The following SRRM1 variants were observed in gnomAD, a reference collection of about 807,000 sequenced individuals.
SRRM1 encodes serine and arginine repetitive matrix 1.
SRRM1 carries 19 observed loss-of-function variants against 110.2 expected under a neutral mutation model. The ratio of observed to expected loss-of-function variants is 0.17; its 90% CI spans 0.12 to 0.25. SRRM1 has a LOEUF of 0.25. Among genes scored for constraint, SRRM1 ranks in the 10% least tolerant of loss-of-function variants. The pLI is 1.00. For synonymous variants in SRRM1, 443 were observed against 414.9 expected (o/e 1.07, Z -0.82); for missense variants, 918 against 1,145.8 (o/e 0.80, Z 2.87).
intron 1 of SRRM1, among the ~76,000 whole-genome samples, chr1:24,644,208 TC>T (rs1242494944): frequency 6.6e-6 from 1 of 152,176 alleles, no homozygotes; most frequent in Non-Finnish European, 1.5e-5. Context: ...TAGTTGGTTC[TC>T]GGGGCCCACA....
chr1:24,653,678 G>C (rs1052999447), intron 8 of SRRM1, among the ~76,000 whole-genome samples: 1 of 152,016 alleles, frequency 6.6e-6, no homozygotes, highest in African/African-American at 2.4e-5. Context: ...TAAAATATTT[G>C]AATCTTGGAT....
intron 5 of SRRM1, among the ~76,000 whole-genome samples, chr1:24,650,412 C>A (rs1659960935): frequency 6.6e-6 from 1 of 152,266 alleles, no homozygotes; most frequent in South Asian, 2.1e-4. Context: ...CTCACTTTTT[C>A]TTTCCATTTC....
intron 13 of SRRM1, 69 bp downstream of exon 13, chr1:24,666,994 T>C (rs1316396852): frequency 3.3e-6 from 3 of 915,404 alleles, no homozygotes; most frequent in Admixed American, 2.5e-5. Flanking sequence ...ATCAGATGAG[T>C]AATGGTGCTC....
At chr1:24,648,750 C>T in intron 3 of SRRM1, 109 bp from the exon 4 acceptor site, 1 of 927,026 alleles carries the variant, frequency 1.1e-6, no homozygotes, top group Admixed American at 2.5e-5. Context: ...GTCTAAGCCC[C>T]TATGGTAGAC....
intron 9 of SRRM1, among the ~76,000 whole-genome samples, chr1:24,658,474 G>T (rs142635908): frequency 7.6e-4 from 115 of 152,272 alleles, no homozygotes; most frequent in African/African-American, 2.6e-3. Context: ...GGGGAGAATG[G>T]AAATAATGTT....
chr1:24,646,522 CAAAAAAAAA>C, intron 2 of SRRM1, 136 bp from the exon 3 acceptor site: 1 of 402,440 alleles, frequency 2.5e-6, no homozygotes, highest in South Asian at 3.4e-5. Flanking sequence ...GACTCTGTCT[CAAAAAAAAA>C]AAAAAAAAAT....
chr1:24,666,240 C>G (rs1669929982), intron 12 of SRRM1, among the ~76,000 whole-genome samples: 1 of 152,128 alleles, frequency 6.6e-6, no homozygotes, highest in Non-Finnish European at 1.5e-5. Flanking sequence ...TATTGTGATC[C>G]AGAGTAAAAG....
At position 24,669,454 on chromosome 1, in the gene SRRM1, C is replaced by T. The variant is rs752040981; in HGVS notation, c.2071C>T (p.Pro691Ser). 6.2e-7 allele frequency: 1 copy of T among 1,614,086 alleles called. No individual in the cohort carries two copies. Among genetic ancestry groups the T allele is most frequent in the Non-Finnish European group, 8.5e-7 (1 of 1,179,990 alleles). The change falls in exon 14 of 17, where the codon CCT becomes TCT. Residue 691 changes from proline to serine, a missense_variant. Around this residue, in one of 5 missense-constraint regions of SRRM1, gnomAD observed 357 missense variants for 402.9 expected, o/e 0.89. Transcript: ENST00000323848. ...TTCGCCCTCACCACGGCCTCGAGCT[C>T]CTCAGACCTCCTCAAGTCCTCCACC... ...RHSPSPRPRA[P>S]QTSSSPPPVR...
intron 9 of SRRM1, among the ~76,000 whole-genome samples, chr1:24,659,825 T>C (rs904424524): frequency 2.0e-5 from 3 of 152,184 alleles, no homozygotes; most frequent in African/African-American, 7.2e-5. Flanking sequence ...TAAAAGACAA[T>C]TGGATAATTC....
intron 5 of SRRM1, among the ~76,000 whole-genome samples, chr1:24,651,036 C>G (rs113133450): frequency 6.6e-6 from 1 of 152,276 alleles, no homozygotes; most frequent in African/African-American, 2.4e-5. Flanking sequence ...CCATTGTAAT[C>G]TGTCCGCATC....
intron 15 of SRRM1, among the ~76,000 whole-genome samples, chr1:24,670,530 T>C (rs1469577095): frequency 6.6e-6 from 1 of 152,210 alleles, no homozygotes; most frequent in Non-Finnish European, 1.5e-5. Flanking sequence ...CAGGGTCTCA[T>C]GCTGTCACCC....
At chr1:24,667,234 T>C (rs1468222329) in intron 13 of SRRM1, among the ~76,000 whole-genome samples, 1 of 151,958 alleles carries the variant, frequency 6.6e-6, no homozygotes, top group East Asian at 1.9e-4. Context: ...TAGGGTGGGG[T>C]GGACATGGGG....
chr1:24,649,038 CT>C lies in SRRM1; in HGVS notation c.405+13del, dbSNP rs1557657929. The C allele has an allele frequency of 1.2e-6, 2 of 1,609,378 alleles. No individual in the cohort carries two copies. Among genetic ancestry groups the C allele is most frequent in the Non-Finnish European group, 1.7e-6 (2 of 1,178,686 alleles). ...AAATAAAACAAAGACAGGTAATAACCTTTTCTTTTCTGTAATGTCGATTTGA... is the reference window on the plus strand; with the variant it reads ...AAATAAAACAAAGACAGGTAATAACCTTTCTTTTCTGTAATGTCGATTTGA... On this transcript the variant is annotated intron_variant, in intron 4 of 16. Coordinates refer to ENST00000323848, the MANE Select transcript of SRRM1 (RefSeq NM_005839.4).
chr1:24,646,580 A>C, intron 2 of SRRM1, 87 bp from the exon 3 acceptor site: 1 of 1,252,856 alleles, frequency 8.0e-7, no homozygotes, highest in South Asian at 1.6e-5. Flanking sequence ...AACTAAGCTA[A>C]AAGGAACTTT....
intron 8 of SRRM1, among the ~76,000 whole-genome samples, chr1:24,653,630 T>G (rs886571167): frequency 2.0e-5 from 3 of 152,158 alleles, no homozygotes; most frequent in Non-Finnish European, 4.4e-5. Context: ...ACTGTACCAG[T>G]GTTCTTTTTT....
intron 1 of SRRM1, among the ~76,000 whole-genome samples, chr1:24,645,281 A>G (rs1355362976): frequency 1.3e-5 from 2 of 152,182 alleles, no homozygotes; most frequent in African/African-American, 2.4e-5. Flanking sequence ...ATCGCTTTCC[A>G]GGGGACTGTG....
intron 11 of SRRM1, among the ~76,000 whole-genome samples, chr1:24,661,853 G>T (rs899787153): frequency 1.3e-5 from 2 of 152,148 alleles, no homozygotes; most frequent in Non-Finnish European, 2.9e-5. Flanking sequence ...ACTTTGGGAG[G>T]CCGAGGTGAG....
Position 24,666,819 on chromosome 1 carries a change from A to G in SRRM1, c.1633A>G (p.Arg545Gly). 1 of 1,612,412 alleles carries G rather than the reference A, an allele frequency of 6.2e-7. No individual in the cohort carries two copies. The highest frequency in any genetic ancestry group is 8.5e-7 in the Non-Finnish European group (1 of 1,178,726). Residue 545 changes from arginine to glycine, a missense_variant, in exon 13 of 17, where the codon AGA (arginine) becomes GGA (glycine). By Grantham distance (125) the Arg-to-Gly change is moderately radical. Coordinates refer to ENST00000323848, the MANE Select transcript of SRRM1 (RefSeq NM_005839.4). ...CTATAATTCTTCTTGGTTTAGTGGT[A>G]GACGGAGGAGAAGTCCATCCCCACC... is the stretch of plus-strand genomic sequence containing the variant. ...KRQKETSPRG[R>G]RRRSPSPPPT...
intron 12 of SRRM1, 61 bp downstream of exon 12, chr1:24,662,865 CTT>C: frequency 6.4e-7 from 1 of 1,574,160 alleles, no homozygotes; most frequent in Non-Finnish European, 8.7e-7. Flanking sequence ...AATTTGATAA[CTT>C]GGGATTATTT....
Sources: gnomAD v4.1 joint callset for allele counts (sites outside exome capture counted in the v4.1 genomes callset) on GRCh38, gnomAD v4.1.1 for gene constraint, gnomAD v4.1.1 regional missense constraint, MANE v1.5 for transcripts, NCBI Gene and HGNC (gene_info 2026-07-23, HGNC 2026-07-21) for gene names.